The following DNAH12 variants were observed in gnomAD, a reference collection of about 807,000 sequenced individuals.
DNAH12 encodes axonemal beta dynein heavy chain 12.
DNAH12 carries 285 observed loss-of-function variants against 371.5 expected under a neutral mutation model. The ratio of observed to expected loss-of-function variants is 0.77; its 90% confidence interval spans 0.70 to 0.85. The LOEUF is 0.85. DNAH12 is among the 40% of genes least tolerant of loss of function. DNAH12 has a pLI of 0.00. For missense variants in DNAH12, 3,611 were observed against 3,689.4 expected (o/e 0.98, Z 0.55); for synonymous variants, 1,200 against 1,213.0 (o/e 0.99, Z 0.22).
At chr3:57,528,224 C>T (rs2068717114) in intron 2 of DNAH12, among the ~76,000 whole-genome samples, 1 of 151,482 alleles carries the variant, frequency 6.6e-6, no homozygotes, top group Non-Finnish European at 1.5e-5. Flanking sequence ...GACAGGGTTT[C>T]TCCATGTTGG....
chr3:57,545,341 T>C (rs2069482309), upstream of DNAH12, among the ~76,000 whole-genome samples: 1 of 150,082 alleles, frequency 6.7e-6, no homozygotes, highest in African/African-American at 2.5e-5. Flanking sequence ...TTTTTTTTAG[T>C]AGAGACGGGG....
intron 45 of DNAH12, among the ~76,000 whole-genome samples, chr3:57,389,174 A>T: frequency 6.6e-6 from 1 of 150,376 alleles, no homozygotes; most frequent in Admixed American, 6.7e-5. Context: ...TCTTGTGTAT[A>T]TTTACTTCTT....
chr3:57,314,673 C>A, intron 65 of DNAH12, 42 bp from the exon 66 acceptor site: 1 of 1,499,126 alleles, frequency 6.7e-7, no homozygotes, highest in South Asian at 1.3e-5. Flanking sequence ...AAATTCCGGT[C>A]AGATTCCATC....
chr3:57,519,814 G>C, intron 4 of DNAH12: 2 of 1,379,090 alleles, frequency 1.5e-6, no homozygotes, highest in Non-Finnish European at 2.1e-6. Flanking sequence ...TTTGTTTTCA[G>C]CTTGACATCT....
chr3:57,431,732 A>G (rs1320243924), intron 32 of DNAH12, among the ~76,000 whole-genome samples: 1 of 152,190 alleles, frequency 6.6e-6, no homozygotes, highest in Non-Finnish European at 1.5e-5. Flanking sequence ...CCTTGGTACT[A>G]CTAATGATAA....
At chr3:57,452,200 G>C (rs2153373423) in intron 25 of DNAH12, among the ~76,000 whole-genome samples, 1 of 152,216 alleles carries the variant, frequency 6.6e-6, no homozygotes. Flanking sequence ...CATGTGACTT[G>C]GGTAATTTCC....
At chr3:57,338,058 G>A (rs565381916) in intron 60 of DNAH12, among the ~76,000 whole-genome samples, 78 of 152,264 alleles carry the variant, frequency 5.1e-4, no homozygotes, top group Admixed American at 5.1e-3. Context: ...TGTTGCTGAG[G>A]CTGGACTGTA....
chr3:57,337,234 C>T (rs549154727), intron 60 of DNAH12, among the ~76,000 whole-genome samples: 27 of 152,242 alleles, frequency 1.8e-4, no homozygotes, highest in African/African-American at 4.3e-4. Context: ...TGGCCAGGCA[C>T]GGTGGCTCAC....
At chr3:57,402,334 T>A in intron 43 of DNAH12, 1 of 1,187,370 alleles carries the variant, frequency 8.4e-7, no homozygotes, top group Non-Finnish European at 1.1e-6. Context: ...CTTTGTATCA[T>A]CTCTCTGTTG....
chr3:57,379,276 C>T lies in DNAH12; in HGVS notation c.8105G>A (p.Arg2702His), dbSNP rs1016316264. ...TTCAGGGTTCATTAAGTATTCACTA[C>T]GAATCTTCTGCATAACAGTCACCTA... ...NIPVTVMQKIRSEYLMNPEFD... is the reference protein window; with the variant it reads ...NIPVTVMQKIHSEYLMNPEFD... The change falls in exon 52 of 74, where the codon CGT becomes CAT. Residue 2702 changes from arginine to histidine, a missense_variant. Arg to His is a conservative substitution (Grantham distance 29). This residue lies in a region of DNAH12 where 2,266 missense variants were observed against 2,236.9 expected (regional missense o/e 1.01). Coordinates refer to ENST00000495027, the MANE Select transcript of DNAH12 (RefSeq NM_001366028.2). 4.6e-5 allele frequency: 7 copies of T among 151,976 alleles called. No individual in the cohort carries two copies. Among genetic ancestry groups the T allele is most frequent in the East Asian group, 3.9e-4 (2 of 5,162 alleles). 9.4% of individuals were successfully genotyped at this position (151,976 alleles called of 1,614,324 possible).
At chr3:57,550,947 C>T in the DNAH12 span, among the ~76,000 whole-genome samples, 44 of 149,090 alleles carry the variant, frequency 3.0e-4, no homozygotes, top group African/African-American at 1.1e-3. Flanking sequence ...GGCGCAATCT[C>T]GGCTCACTGC....
chr3:57,408,167 A>C (rs1261530934), intron 40 of DNAH12, 113 bp downstream of exon 40: 1 of 1,210,632 alleles, frequency 8.3e-7, no homozygotes, highest in Non-Finnish European at 1.1e-6. Flanking sequence ...CTGGTCTTCT[A>C]AACAGTTTCT....
chr3:57,482,814 T>G (rs1391334266), intron 13 of DNAH12, among the ~76,000 whole-genome samples: 1 of 150,960 alleles, frequency 6.6e-6, no homozygotes, highest in Non-Finnish European at 1.5e-5. Context: ...CAGCAAACTA[T>G]TGCAAGGACA....
chr3:57,406,083 G>C (rs2064016239), intron 40 of DNAH12, 131 bp from the exon 41 acceptor site: 1 of 946,304 alleles, frequency 1.1e-6, no homozygotes, highest in Non-Finnish European at 1.5e-6. Context: ...GGGCGCGGTG[G>C]CTCACATCTG....
chr3:57,346,299 C>T (rs568931678), intron 60 of DNAH12, among the ~76,000 whole-genome samples: 2 of 151,980 alleles, frequency 1.3e-5, no homozygotes, highest in Non-Finnish European at 2.9e-5. Context: ...TTATAAGGCA[C>T]GGGGGAGGGG....
At chr3:57,437,768 G>A (rs1330969082) in intron 29 of DNAH12, among the ~76,000 whole-genome samples, 1 of 152,230 alleles carries the variant, frequency 6.6e-6, no homozygotes, top group Non-Finnish European at 1.5e-5. Flanking sequence ...CAAGGGCTTG[G>A]CTGGAAAGAC....
intron 60 of DNAH12, among the ~76,000 whole-genome samples, chr3:57,343,498 C>A (rs1005801730): frequency 2.0e-5 from 3 of 152,254 alleles, no homozygotes; most frequent in Non-Finnish European, 2.9e-5. Flanking sequence ...ACCAGGGGCA[C>A]AATGCACTGC....
intron 50 of DNAH12, among the ~76,000 whole-genome samples, chr3:57,381,473 TATAATA>T (rs1467852218): frequency 3.9e-5 from 6 of 152,302 alleles, no homozygotes; most frequent in East Asian, 1.9e-4. Context: ...GAATAATAAT[TATAATA>T]ATAACAGCTA....
At chr3:57,551,118 A>C in the DNAH12 span, among the ~76,000 whole-genome samples, 1 of 151,260 alleles carries the variant, frequency 6.6e-6, no homozygotes, top group Non-Finnish European at 1.5e-5. Context: ...CACCCGCCTC[A>C]GTCTCCCAAA....
Sources: gnomAD v4.1 joint callset for allele counts (sites outside exome capture counted in the v4.1 genomes callset) on GRCh38, gnomAD v4.1.1 for gene constraint, gnomAD v4.1.1 regional missense constraint, MANE v1.5 for transcripts, NCBI Gene and HGNC (gene_info 2026-07-23, HGNC 2026-07-21) for gene names.